Variants in TTC21B observed in about 807,000 individuals in gnomAD.
TTC21B encodes tetratricopeptide repeat protein 21B.
In TTC21B, 127 loss-of-function variants were observed where a neutral mutation model predicts 175.1. The observed-to-expected ratio is 0.73, with a 90% CI of 0.63 to 0.84. The LOEUF (loss-of-function observed/expected upper bound fraction) is 0.84, where lower values mean the gene tolerates loss of function less well. Among genes scored for constraint, TTC21B ranks in the 40% least tolerant of loss-of-function variants. The pLI is 0.00. For missense variants in TTC21B, 1,561 were observed against 1,558.3 expected, an observed-to-expected ratio of 1.00 and a Z score of -0.03; for synonymous variants, 524 against 524.5, an observed-to-expected ratio of 1.00 and a Z score of 0.01.
chr2:165,878,680 ATTT>A (rs60789699), intron 27 of TTC21B, among the ~76,000 whole-genome samples: 12 of 130,860 alleles, frequency 9.2e-5, no homozygotes, highest in Non-Finnish European at 1.1e-4. Context: ...CATGAGCACG[ATTT>A]TTTTTTTTTT....
chr2:165,911,449 T>A lies in TTC21B; in HGVS notation c.2339A>T (p.Glu780Val), dbSNP rs371940683. Residue 780 changes from glutamate to valine, a missense_variant, in exon 18 of 29, where the codon GAA becomes GTA. Coordinates refer to ENST00000243344, the MANE Select transcript of TTC21B (RefSeq NM_024753.5). The stretch of plus-strand genomic sequence containing the variant: ...CTTTTGTCCAGTTTTCAGAGCAGCT[T>A]CATAGTAAGTGATTGCCTAAACAAA... The part of the protein sequence containing the change: ...HNYSMAITYY[E>V]AALKTGQKNY... The A allele has an allele frequency of 2.3e-5, 37 of 1,613,602 alleles. No homozygotes were observed. In the African/African-American group the frequency reaches 3.5e-4, roughly 15 times the overall value.
chr2:165,880,234 C>T (rs1024593414), intron 27 of TTC21B, among the ~76,000 whole-genome samples: 5 of 152,032 alleles, frequency 3.3e-5, no homozygotes, highest in Non-Finnish European at 7.4e-5. Flanking sequence ...AAAAAATGTC[C>T]CATGGTCAAA....
At chr2:165,914,488 A>C (rs956692937) in intron 15 of TTC21B, among the ~76,000 whole-genome samples, 1 of 152,160 alleles carries the variant, frequency 6.6e-6, no homozygotes, top group Non-Finnish European at 1.5e-5. Context: ...TCAGTGCTTA[A>C]AAGAATCTGA....
At chr2:165,901,402 T>G (rs1685554067) in intron 20 of TTC21B, among the ~76,000 whole-genome samples, 1 of 152,024 alleles carries the variant, frequency 6.6e-6, no homozygotes, top group Admixed American at 6.6e-5. Flanking sequence ...CACTGCAACC[T>G]CTCCGCCTCC....
chr2:165,937,050 G>A (rs1241503183), intron 6 of TTC21B, among the ~76,000 whole-genome samples: 1 of 152,012 alleles, frequency 6.6e-6, no homozygotes, highest in Non-Finnish European at 1.5e-5. Context: ...CAATCAAGAT[G>A]TCCTTCAATG....
intron 4 of TTC21B, among the ~76,000 whole-genome samples, chr2:165,944,181 A>G (rs1186059566): frequency 6.6e-6 from 1 of 152,176 alleles, no homozygotes; most frequent in Non-Finnish European, 1.5e-5. Context: ...CTATATTTCT[A>G]GCCGAAAACC....
chr2:165,927,324 TATATATAATATATA>T (rs1166651603), intron 11 of TTC21B, among the ~76,000 whole-genome samples: 3 of 59,208 alleles, frequency 5.1e-5, no homozygotes, highest in Non-Finnish European at 1.3e-4. Flanking sequence ...TTATATAATA[TATATATAATATATA>T]ATATATATAT....
intron 26 of TTC21B, among the ~76,000 whole-genome samples, chr2:165,883,526 T>C (rs1416160899): frequency 2.0e-5 from 3 of 152,222 alleles, no homozygotes; most frequent in Non-Finnish European, 2.9e-5. Context: ...AGGCAATCGT[T>C]TGACATTCCA....
intron 1 of TTC21B, chr2:165,949,964 A>C (rs1271774165): frequency 5.4e-6 from 2 of 373,016 alleles, no homozygotes; most frequent in Non-Finnish European, 9.6e-6. Context: ...TATTTTTCCT[A>C]AGTTTTTGTT....
intron 4 of TTC21B, among the ~76,000 whole-genome samples, chr2:165,944,336 G>A (rs1479047619): frequency 2.0e-5 from 3 of 152,028 alleles, no homozygotes; most frequent in Non-Finnish European, 4.4e-5. Context: ...TTCTATTTAT[G>A]CTAACTGGTC....
intron 12 of TTC21B, 65 bp from the exon 13 acceptor site, chr2:165,919,498 G>C: frequency 7.4e-4 from 1,055 of 1,429,552 alleles, no homozygotes; most frequent in Non-Finnish European, 9.5e-4. Context: ...TGAGAGGGAA[G>C]AGGAAGAAGA....
In TTC21B at chr2:165,917,138, C is replaced by CA. The variant is rs1450032384; in HGVS notation, c.1899+118dup. 6 of 954,776 alleles carry CA rather than the reference C, an allele frequency of 6.3e-6. No homozygotes were observed. In the Admixed American group the frequency reaches 1.2e-4, roughly 19 times the overall value. The allele number at this position is 954,776 out of a possible 1,614,324, so 59.1% of individuals were successfully genotyped here. A position where few individuals can be genotyped will look rare whatever the true frequency, so the allele number is the denominator to read the frequency against. ...AGATGATCCATCTGCCTCGGCCTCC[C>CA]AAAGTGCTGGGATTACAGGTGTGAG... On this transcript the variant is annotated intron_variant, in intron 14 of 28. Coordinates refer to ENST00000243344, the MANE Select transcript of TTC21B (RefSeq NM_024753.5).
At position 165,913,664 on chromosome 2, in the gene TTC21B, AT is replaced by A; in HGVS notation, c.2139-19del. ...CAATTTCTCTGGAAATCAGACCAACATTACTTAGCATATTGAACACAGATAT... is the reference window on the plus strand; with the variant it reads ...CAATTTCTCTGGAAATCAGACCAACATACTTAGCATATTGAACACAGATAT... On this transcript the variant is annotated intron_variant, in intron 15 of 28. Coordinates refer to ENST00000243344, the MANE Select transcript of TTC21B (RefSeq NM_024753.5). 1 of 1,585,128 alleles carries A rather than the reference AT, an allele frequency of 6.3e-7. No homozygotes were observed. The highest frequency in any genetic ancestry group is 8.7e-7 in the Non-Finnish European group (1 of 1,153,924).
chr2:165,890,420 C>T, intron 24 of TTC21B, 59 bp downstream of exon 24: 1 of 1,515,688 alleles, frequency 6.6e-7, no homozygotes, highest in Non-Finnish European at 9.1e-7. Context: ...GTATAGTATC[C>T]CTGTTTATTA....
At chr2:165,900,949 TGTAGTACA>T (rs1171851120) in intron 20 of TTC21B, among the ~76,000 whole-genome samples, 1 of 151,540 alleles carries the variant, frequency 6.6e-6, no homozygotes, top group Non-Finnish European at 1.5e-5. Flanking sequence ...TTACCCAGGC[TGTAGTACA>T]GTGGCATCAT....
In TTC21B at chr2:165,888,265, G is replaced by C. The variant is rs372296797; in HGVS notation, c.3459+14C>G. ...AAAGATACCACATGAAGCTGAAAAA[G>C]GAAATCCACTAACCTCAGATGCTGC... On this transcript the variant is annotated intron_variant, in intron 25 of 28. Transcript: ENST00000243344. 2 of 1,594,504 alleles carry C rather than the reference G, an allele frequency of 1.3e-6. No individual in the cohort carries two copies. The highest frequency in any genetic ancestry group is 2.2e-5 in the South Asian group (2 of 90,658).
intron 19 of TTC21B, 83 bp from the exon 20 acceptor site, chr2:165,901,993 G>T (rs1559048527): frequency 2.5e-6 from 3 of 1,207,162 alleles, no homozygotes; most frequent in African/African-American, 3.1e-5. Context: ...TAATTTTACA[G>T]ATTTATTTAA....
rs1370685469 is a variant in TTC21B at position 165,911,467 on chromosome 2, T to C, written c.2323-2A>G. On this transcript the variant is annotated splice_acceptor_variant, in intron 17 of 28. Transcript: ENST00000243344. LOFTEE classifies it high-confidence loss of function. ...AGCAGCTTCATAGTAAGTGATTGCC[T>C]AAACAAAATTCATTCCATTTAAGGG... 3 of 1,613,562 alleles carry C rather than the reference T, an allele frequency of 1.9e-6. No individual in the cohort carries two copies. In the East Asian group the frequency reaches 6.7e-5, roughly 36 times the overall value.
At position 165,874,994 on chromosome 2, in the gene TTC21B, T is replaced by C. The variant is rs542285822; in HGVS notation, c.3874-162A>G. Among the ~76,000 whole-genome samples the C allele has an allele frequency of 6.2e-4, 94 of 152,356 alleles. 1 individual carries two copies. The highest frequency in any genetic ancestry group is 5.0e-3 in the South Asian group (24 of 4,832). On this transcript the variant is annotated intron_variant, in intron 28 of 28. Coordinates refer to ENST00000243344, the MANE Select transcript of TTC21B (RefSeq NM_024753.5). ...TGGTGGCATTTTAAATGTAACATGA[T>C]GACTCCTTTATATTAATGGTAGTTA... is the stretch of plus-strand genomic sequence containing the variant.
Sources: gnomAD v4.1 joint callset for allele counts (sites outside exome capture counted in the v4.1 genomes callset) on GRCh38, gnomAD v4.1.1 for gene constraint, MANE v1.5 for transcripts, NCBI Gene and HGNC (gene_info 2026-07-23, HGNC 2026-07-21) for gene names.